ECE1: variants seen among roughly 807,000 people sequenced by gnomAD.
The protein encoded by ECE1 is endothelin converting enzyme 1.
Under a neutral mutation model 98.6 loss-of-function variants are expected in ECE1, and 35 were observed. That is an observed-to-expected ratio of 0.35 (90% CI 0.27 to 0.47). The LOEUF (loss-of-function observed/expected upper bound fraction) is 0.47, where lower values mean the gene tolerates loss of function less well. Among genes scored for constraint, ECE1 ranks in the 20% least tolerant of loss-of-function variants. ECE1 has a pLI of 1.00. For missense variants in ECE1, 814 were observed against 1,025.3 expected, an observed-to-expected ratio of 0.79 and a Z score of 2.81; for synonymous variants, 394 against 407.1, an observed-to-expected ratio of 0.97 and a Z score of 0.39.
intron 1 of ECE1, among the ~76,000 whole-genome samples, chr1:21,315,789 CAAAA>C (rs754647376): frequency 1.3e-4 from 6 of 47,282 alleles, no homozygotes; most frequent in South Asian, 1.5e-3. Context: ...GACTCTGTCT[CAAAA>C]AAAAAAAAAA....
At chr1:21,324,586 C>T (rs1035088922) in intron 1 of ECE1, among the ~76,000 whole-genome samples, 2 of 152,194 alleles carry the variant, frequency 1.3e-5, no homozygotes, top group African/African-American at 4.8e-5. Context: ...TCCCCACCCC[C>T]GCCCCTTTCC....
chr1:21,294,045 AG>A (rs1638280502), upstream of ECE1: 1 of 152,496 alleles, frequency 6.6e-6, no homozygotes, highest in African/African-American at 2.4e-5. The surrounding 1 kb of genome is among the most constrained non-coding windows in gnomAD (Gnocchi z 4.2). Flanking sequence ...CTGGAGACTG[AG>A]GGAGCCATAA....
Position 21,219,850 on chromosome 1 carries a change from A to G in ECE1, c.*105T>C. 6.9e-7 allele frequency: 1 copy of G among 1,452,260 alleles called. No homozygotes were observed. The highest frequency in any genetic ancestry group is 9.5e-7 in the Non-Finnish European group (1 of 1,053,536). The allele number at this position is 1,452,260 out of a possible 1,614,324, so 90.0% of individuals were successfully genotyped here. ...TGAAAACCCGCCAGTGTGAGGAAGC[A>G]GGGCCCCGGGTGGCCAAGCGGGCTG... On this transcript the variant is annotated 3_prime_UTR_variant, in exon 19 of 19. Coordinates refer to ENST00000374893, the MANE Select transcript of ECE1 (RefSeq NM_001397.3). This position sits in a 1 kb window ranked among gnomAD's most constrained non-coding sequence, Gnocchi z 4.5.
intron 1 of ECE1, among the ~76,000 whole-genome samples, chr1:21,311,165 A>G (rs528965332): frequency 6.6e-6 from 1 of 152,240 alleles, no homozygotes; most frequent in East Asian, 1.9e-4. Flanking sequence ...TTGTTTTCAG[A>G]GTGGGGCTCC....
intron 10 of ECE1, among the ~76,000 whole-genome samples, chr1:21,244,234 C>A (rs147382395): frequency 3.0e-4 from 46 of 152,262 alleles, no homozygotes; most frequent in African/African-American, 1.0e-3. Context: ...GGGGCCCGAG[C>A]GTGATGTATC....
At chr1:21,303,693 G>T (rs1206130119) in intron 1 of ECE1, among the ~76,000 whole-genome samples, 1 of 152,142 alleles carries the variant, frequency 6.6e-6, no homozygotes, top group Non-Finnish European at 1.5e-5. Context: ...CTGTCCCTCA[G>T]GCTGGAGTAC....
intron 1 of ECE1, among the ~76,000 whole-genome samples, chr1:21,310,720 T>C (rs1021355806): frequency 2.0e-5 from 3 of 152,148 alleles, no homozygotes; most frequent in African/African-American, 4.8e-5. Flanking sequence ...CACTGGACGA[T>C]GAAGTCTTAA....
intron 1 of ECE1, among the ~76,000 whole-genome samples, chr1:21,330,469 G>A (rs1639176638): frequency 6.6e-6 from 1 of 151,886 alleles, no homozygotes; most frequent in Non-Finnish European, 1.5e-5. Context: ...GGCCTCAAGT[G>A]ACCCACCCAT....
chr1:21,287,665 A>G (rs2098262166), intron 2 of ECE1, among the ~76,000 whole-genome samples: 1 of 152,248 alleles, frequency 6.6e-6, no homozygotes, highest in African/African-American at 2.4e-5. Flanking sequence ...GTCCAACTAC[A>G]GTGGATTGAA....
chr1:21,242,205 C>T (rs190264392), intron 10 of ECE1, among the ~76,000 whole-genome samples: 2 of 152,272 alleles, frequency 1.3e-5, no homozygotes, highest in East Asian at 3.9e-4. Context: ...TGAGCCCCTG[C>T]CCCAGTGAGG....
At chr1:21,237,120 C>G (rs28368012) in intron 11 of ECE1, among the ~76,000 whole-genome samples, 1 of 152,102 alleles carries the variant, frequency 6.6e-6, no homozygotes, top group African/African-American at 2.4e-5. Flanking sequence ...TGGTACTTTT[C>G]AGAGCCTTTA....
Position 21,290,224 on chromosome 1 carries a change from G to T in ECE1, c.52-68C>A, listed in dbSNP as rs555743674. ...GGCTCTCGCGCCCGAATGGGGAAGC[G>T]GCCCCGACCCTGGCGCCGCCGCCGC... is the stretch of plus-strand genomic sequence containing the variant. On this transcript the variant is annotated intron_variant, in intron 1 of 18. Transcript: ENST00000374893. This position sits in a 1 kb window ranked among gnomAD's most constrained non-coding sequence, Gnocchi z 7.3. 3.5e-6 allele frequency: 5 copies of T among 1,431,830 alleles called. No individual in the cohort carries two copies. The East Asian group carries it at 1.2e-4, about 34-fold the overall frequency. 88.7% of individuals were successfully genotyped at this position (1,431,830 alleles called of 1,614,324 possible). A position where few individuals can be genotyped will look rare whatever the true frequency, so the allele number is the denominator to read the frequency against.
chr1:21,268,303 G>A (rs182562232), intron 4 of ECE1, among the ~76,000 whole-genome samples: 69 of 152,314 alleles, frequency 4.5e-4, no homozygotes, highest in African/African-American at 1.4e-3. Flanking sequence ...CTGATGAAGT[G>A]AGGCCACCCA....
rs1164481457 is a variant in ECE1, at chr1:21,258,451, T to C, written c.762+242A>G. 6.6e-6 allele frequency among the ~76,000 whole-genome samples: 1 copy of C among 152,196 alleles called. No homozygotes were observed. Among genetic ancestry groups the C allele is most frequent in the African/African-American group, 2.4e-5 (1 of 41,462 alleles). ...CTGTGCCCAGGAGTTGACATCATTCTTGGGGCCCACGGAAACCCATCAGCA... is the reference window on the plus strand; with the variant it reads ...CTGTGCCCAGGAGTTGACATCATTCCTGGGGCCCACGGAAACCCATCAGCA... On this transcript the variant is annotated intron_variant, in intron 6 of 18. Coordinates refer to ENST00000374893, the MANE Select transcript of ECE1 (RefSeq NM_001397.3). This position sits in a 1 kb window ranked among gnomAD's most constrained non-coding sequence, Gnocchi z 4.2.
At chr1:21,314,001 G>A (rs1175731317) in intron 1 of ECE1, among the ~76,000 whole-genome samples, 1 of 152,188 alleles carries the variant, frequency 6.6e-6, no homozygotes, top group African/African-American at 2.4e-5. Flanking sequence ...GGCTGCAGCT[G>A]CTAAACGGTA....
chr1:21,248,296 G>A (rs536797976), intron 8 of ECE1, among the ~76,000 whole-genome samples: 3 of 151,702 alleles, frequency 2.0e-5, no homozygotes, highest in East Asian at 2.0e-4. Flanking sequence ...TCAGCTTCCC[G>A]AGTAGCTGGG....
chr1:21,343,803 GA>G (rs1639446896), intron 1 of ECE1, among the ~76,000 whole-genome samples: 1 of 152,166 alleles, frequency 6.6e-6, no homozygotes, highest in Admixed American at 6.5e-5. Context: ...AAAGTGAGGG[GA>G]CCTCTTTCTT....
At chr1:21,231,731 C>T (rs1198056237) in intron 14 of ECE1, among the ~76,000 whole-genome samples, 5 of 152,062 alleles carry the variant, frequency 3.3e-5, no homozygotes, top group African/African-American at 7.2e-5. Flanking sequence ...TGTAGCTCAC[C>T]GCAACCTCAA....
chr1:21,290,195 C>CCA lies in ECE1; in HGVS notation c.52-41_52-40dup, dbSNP rs564051666. 2.3e-5 allele frequency: 34 copies of CCA among 1,491,784 alleles called. No homozygotes were observed. The South Asian group carries it at 3.9e-4, about 17-fold the overall frequency. 92.4% of individuals were successfully genotyped at this position (1,491,784 alleles called of 1,614,324 possible). A position where few individuals can be genotyped will look rare whatever the true frequency, so the allele number is the denominator to read the frequency against. ...TGCAGCACGGACTCCCTCAGCGCCT[C>CCA]CATGGCTCTCGCGCCCGAATGGGGA... is the stretch of plus-strand genomic sequence containing the variant. On this transcript the variant is annotated intron_variant, in intron 1 of 18. Transcript: ENST00000374893. This position sits in a 1 kb window ranked among gnomAD's most constrained non-coding sequence, Gnocchi z 7.3.
Sources: allele counts gnomAD v4.1 joint callset (sites outside exome capture counted in the v4.1 genomes callset), GRCh38; gene constraint gnomAD v4.1.1; non-coding constraint Gnocchi (gnomAD v3.1); transcripts MANE v1.5; gene names NCBI Gene and HGNC (gene_info 2026-07-23, HGNC 2026-07-21).